DAB1: variants seen among roughly 807,000 people sequenced by gnomAD.
The protein encoded by DAB1 is DAB adaptor protein 1.
DAB1 carries 15 observed loss-of-function variants against 64.6 expected under a neutral mutation model. The ratio of observed to expected loss-of-function variants is 0.23; its 90% CI spans 0.16 to 0.36. The LOEUF (loss-of-function observed/expected upper bound fraction) is 0.36, where lower values mean the gene tolerates loss of function less well. Ranked by LOEUF, DAB1 falls within the 10% of genes least tolerant of loss-of-function variation. The pLI is 1.00. For missense variants in DAB1, 596 were observed against 706.7 expected (o/e 0.84, Z 1.78); for synonymous variants, 235 against 251.9 (o/e 0.93, Z 0.64).
chr1:58,211,077 G>A (rs1658528999), intron 4 of DAB1, among the ~76,000 whole-genome samples: 1 of 152,110 alleles, frequency 6.6e-6, no homozygotes, highest in Admixed American at 6.5e-5. Context: ...GAGAGATCAA[G>A]GTGAGGAGGA....
chr1:58,150,737 G>A (rs1490830323), intron 4 of DAB1: 2 of 151,730 alleles, frequency 1.3e-5, no homozygotes, highest in Non-Finnish European at 2.9e-5. Flanking sequence ...TGTGCACAAT[G>A]TGCAGGTTTG....
chr1:58,462,109 G>GTTT (rs1557770618), intron 3 of DAB1, among the ~76,000 whole-genome samples: 1 of 133,928 alleles, frequency 7.5e-6, no homozygotes, highest in African/African-American at 2.9e-5. Flanking sequence ...ATCTGAGAAG[G>GTTT]TTTCTTTTTT....
intron 4 of DAB1, among the ~76,000 whole-genome samples, chr1:58,328,354 G>A (rs959265821): frequency 6.6e-6 from 1 of 152,136 alleles, no homozygotes; most frequent in African/African-American, 2.4e-5. Context: ...CATAGTTCAG[G>A]TCCTCACCAT....
chr1:57,200,329 G>A (rs1310069294), intron 2 of DAB1, among the ~76,000 whole-genome samples: 1 of 152,194 alleles, frequency 6.6e-6, no homozygotes, highest in Non-Finnish European at 1.5e-5. Context: ...TAGGCATGAT[G>A]GGTAAAATCA....
chr1:57,442,470 G>C (rs1358799028), intron 7 of DAB1, among the ~76,000 whole-genome samples: 1 of 152,054 alleles, frequency 6.6e-6, no homozygotes, highest in Non-Finnish European at 1.5e-5. Flanking sequence ...CTAAAATAGT[G>C]ACCTTGGCCA....
chr1:58,240,214 C>T (rs1660229026), intron 4 of DAB1, among the ~76,000 whole-genome samples: 1 of 152,182 alleles, frequency 6.6e-6, no homozygotes, highest in African/African-American at 2.4e-5. Context: ...TACAATATTC[C>T]TTAGTCTCCC....
chr1:58,085,443 T>C (rs1250874694), intron 5 of DAB1, among the ~76,000 whole-genome samples: 1 of 152,048 alleles, frequency 6.6e-6, no homozygotes, highest in Non-Finnish European at 1.5e-5. Context: ...TCATAGCTCA[T>C]TGCAGCCTCA....
intron 5 of DAB1, among the ~76,000 whole-genome samples, chr1:58,061,385 T>C (rs1443867845): frequency 6.6e-6 from 1 of 152,208 alleles, no homozygotes; most frequent in African/African-American, 2.4e-5. Flanking sequence ...TTCTGAGGGC[T>C]GTGAGATGAA....
At chr1:57,236,105 C>T (rs573088290) in intron 2 of DAB1, among the ~76,000 whole-genome samples, 1 of 152,270 alleles carries the variant, frequency 6.6e-6, no homozygotes, top group East Asian at 1.9e-4. Flanking sequence ...AAGACGAGAG[C>T]AGAATTGGAC....
At chr1:57,125,129 G>A (rs1222773727) in intron 4 of DAB1, among the ~76,000 whole-genome samples, 1 of 152,136 alleles carries the variant, frequency 6.6e-6, no homozygotes, top group Non-Finnish European at 1.5e-5. Flanking sequence ...GCTCTGCTAG[G>A]CTAATTTTTT....
At chr1:57,347,936 C>A (rs953848408) in intron 1 of DAB1, among the ~76,000 whole-genome samples, 1 of 151,974 alleles carries the variant, frequency 6.6e-6, no homozygotes, top group African/African-American at 2.4e-5. Context: ...GTTCCATCAC[C>A]CCTCTAAAAC....
intron 4 of DAB1, among the ~76,000 whole-genome samples, chr1:58,286,271 G>A (rs907473214): frequency 1.3e-4 from 20 of 152,182 alleles, no homozygotes; most frequent in Admixed American, 1.2e-3. Flanking sequence ...ATTTCATGAT[G>A]AAAACACCAA....
At chr1:58,452,133 C>CA (rs1645144361) in intron 3 of DAB1, among the ~76,000 whole-genome samples, 1 of 151,844 alleles carries the variant, frequency 6.6e-6, no homozygotes, top group Non-Finnish European at 1.5e-5. Context: ...GGGGTTTCGC[C>CA]ACGTTGGTCA....
intron 1 of DAB1, among the ~76,000 whole-genome samples, chr1:57,410,673 C>A (rs1000310012): frequency 6.6e-6 from 1 of 152,210 alleles, no homozygotes; most frequent in African/African-American, 2.4e-5. Context: ...CGTCCTTCTC[C>A]ACTGATACAT....
At chr1:57,273,522 ACTGCCTGCCTGCCTGC>A (rs1261991604) in intron 2 of DAB1, among the ~76,000 whole-genome samples, 47 of 96,942 alleles carry the variant, frequency 4.8e-4, no homozygotes, top group African/African-American at 2.1e-3. Context: ...ACCAAGCCTG[ACTGCCTGCCTGCCTGC>A]CTGCCTGCCT....
chr1:57,515,631 G>A (rs1239646138), intron 7 of DAB1, among the ~76,000 whole-genome samples: 2 of 150,130 alleles, frequency 1.3e-5, no homozygotes, highest in African/African-American at 5.1e-5. Flanking sequence ...GATTGCTGCT[G>A]GGAGGTGTCT....
intron 1 of DAB1, among the ~76,000 whole-genome samples, chr1:57,302,461 A>G (rs1238237847): frequency 3.3e-5 from 5 of 152,034 alleles, no homozygotes; most frequent in South Asian, 2.1e-4. Context: ...CACTCCTTAC[A>G]CACCACACCT....
intron 5 of DAB1, among the ~76,000 whole-genome samples, chr1:58,031,922 T>C (rs995444210): frequency 2.0e-5 from 3 of 151,744 alleles, no homozygotes; most frequent in African/African-American, 7.3e-5. Flanking sequence ...TTTCCTAAGG[T>C]TGAAATTGTA....
intron 5 of DAB1, among the ~76,000 whole-genome samples, chr1:58,063,106 C>T (rs1299774295): frequency 6.6e-6 from 1 of 152,180 alleles, no homozygotes; most frequent in African/African-American, 2.4e-5. Context: ...TGGTCCTTCA[C>T]CACAGAATGT....
Sources: gnomAD v4.1 joint callset for allele counts (sites outside exome capture counted in the v4.1 genomes callset) on GRCh38, gnomAD v4.1.1 for gene constraint, MANE v1.5 for transcripts, NCBI Gene and HGNC (gene_info 2026-07-23, HGNC 2026-07-21) for gene names.